Variants in HEPHL1 observed in about 807,000 individuals in gnomAD.
HEPHL1 encodes the protein ferroxidase HEPHL1.
Under a neutral mutation model 122.0 loss-of-function variants are expected in HEPHL1, and 123 were observed. The ratio of observed to expected loss-of-function variants is 1.01; its 90% confidence interval spans 0.87 to 1.17. The LOEUF (loss-of-function observed/expected upper bound fraction) is 1.17. Among genes scored for constraint, HEPHL1 ranks in the 50% most tolerant of loss-of-function variants. HEPHL1 has a pLI of 0.00. For synonymous variants in HEPHL1, 527 were observed against 508.9 expected (o/e 1.04, Z -0.48); for missense variants, 1,452 against 1,430.5 (o/e 1.01, Z -0.24).
intron 13 of HEPHL1, among the ~76,000 whole-genome samples, chr11:94,097,676 A>T (rs1946329278): frequency 6.6e-6 from 1 of 151,932 alleles, no homozygotes; most frequent in African/African-American, 2.4e-5. Flanking sequence ...GTCTCTAAGG[A>T]CTTGCTTTAT....
At chr11:94,108,503 A>T (rs1162598114) in intron 17 of HEPHL1, among the ~76,000 whole-genome samples, 3 of 152,074 alleles carry the variant, frequency 2.0e-5, no homozygotes, top group African/African-American at 7.2e-5. Context: ...GTCCCAAAAA[A>T]GGTCTCTGTT....
chr11:94,081,549 T>G (rs190548653), intron 9 of HEPHL1, among the ~76,000 whole-genome samples: 1 of 152,196 alleles, frequency 6.6e-6, no homozygotes, highest in Non-Finnish European at 1.5e-5. Flanking sequence ...TAGGCTCAAA[T>G]AGACTGATTA....
At chr11:94,062,948 C>T (rs1945998654) in intron 2 of HEPHL1, among the ~76,000 whole-genome samples, 1 of 152,176 alleles carries the variant, frequency 6.6e-6, no homozygotes, top group African/African-American at 2.4e-5. Flanking sequence ...AAATGACATT[C>T]AACACATTCA....
Position 94,021,666 on chromosome 11 carries a change from T to C in HEPHL1, c.170+128T>C, listed in dbSNP as rs80079448. On this transcript the variant is annotated intron_variant, in intron 1 of 19. Transcript: ENST00000315765. ...ATCTAGACCAAGAGAAGGTGTTTTGTTTTTTGCTTGAAGAGCCCTAGTATG... is the reference window on the plus strand; with the variant it reads ...ATCTAGACCAAGAGAAGGTGTTTTGCTTTTTGCTTGAAGAGCCCTAGTATG... 40 of 742,284 alleles carry C rather than the reference T, an allele frequency of 5.4e-5. No homozygotes were observed. In the East Asian group the frequency reaches 9.6e-4, roughly 18 times the overall value. 46.0% of individuals were successfully genotyped at this position (742,284 alleles called of 1,614,324 possible). A position where few individuals can be genotyped will look rare whatever the true frequency, so the allele number is the denominator to read the frequency against.
chr11:94,023,243 A>G (rs1945596536), intron 1 of HEPHL1, among the ~76,000 whole-genome samples: 1 of 152,206 alleles, frequency 6.6e-6, no homozygotes, highest in Admixed American at 6.5e-5. Flanking sequence ...ATCCTTCTCC[A>G]GTGAATTAAA....
intron 10 of HEPHL1, among the ~76,000 whole-genome samples, chr11:94,082,955 G>A (rs1946183839): frequency 6.6e-6 from 1 of 152,130 alleles, no homozygotes; most frequent in Admixed American, 6.5e-5. Flanking sequence ...TGGGCATGGT[G>A]GTGCGTGCCT....
chr11:94,037,504 G>A (rs548746837), intron 1 of HEPHL1, among the ~76,000 whole-genome samples: 1 of 152,278 alleles, frequency 6.6e-6, no homozygotes, highest in East Asian at 1.9e-4. Context: ...GGTTCTCCCA[G>A]CATGCAGCTG....
At chr11:94,093,184 G>A (rs1288273021) in intron 12 of HEPHL1, among the ~76,000 whole-genome samples, 1 of 151,914 alleles carries the variant, frequency 6.6e-6, no homozygotes, top group Non-Finnish European at 1.5e-5. Context: ...CCAGAAGAGA[G>A]GCGCAACCTC....
At chr11:94,056,907 A>G (rs1945942656) in intron 2 of HEPHL1, among the ~76,000 whole-genome samples, 1 of 152,080 alleles carries the variant, frequency 6.6e-6, no homozygotes, top group African/African-American at 2.4e-5. Flanking sequence ...TCCATTTATT[A>G]TGAAGTTTGA....
intron 14 of HEPHL1, among the ~76,000 whole-genome samples, chr11:94,102,243 A>T (rs1946373171): frequency 1.3e-5 from 2 of 152,330 alleles, no homozygotes; most frequent in South Asian, 2.1e-4. Context: ...ATTTAATGAC[A>T]TTATTTCATT....
intron 2 of HEPHL1, among the ~76,000 whole-genome samples, chr11:94,054,821 TAA>T (rs1051549344): frequency 1.1e-4 from 16 of 152,326 alleles, no homozygotes; most frequent in Non-Finnish European, 1.5e-4. Flanking sequence ...GGGGAGTAGA[TAA>T]AAAAGTCTTT....
At chr11:94,054,588 G>T (rs893701391) in intron 2 of HEPHL1, among the ~76,000 whole-genome samples, 3 of 152,176 alleles carry the variant, frequency 2.0e-5, no homozygotes, top group African/African-American at 7.2e-5. Context: ...GAAAATTGAG[G>T]CCTACCTTTT....
chr11:94,054,334 G>C (rs1176580542), intron 2 of HEPHL1, among the ~76,000 whole-genome samples: 2 of 152,194 alleles, frequency 1.3e-5, no homozygotes, highest in Non-Finnish European at 2.9e-5. Context: ...ACAGGACTCA[G>C]ATCTCAGTCT....
chr11:94,032,297 G>T (rs373065595), intron 1 of HEPHL1, among the ~76,000 whole-genome samples: 1 of 152,088 alleles, frequency 6.6e-6, no homozygotes, highest in East Asian at 1.9e-4. Flanking sequence ...AGCCTCCGAG[G>T]CCAAGGCCTG....
chr11:94,045,850 A>G lies in HEPHL1; in HGVS notation c.348A>G (p.Leu116=). The change falls in exon 2 of 20, where the codon TTA becomes TTG. Residue 116 remains leucine, a synonymous_variant. Transcript: ENST00000315765. The stretch of plus-strand genomic sequence containing the variant: ...TGGGTGATGTGATTGTCATTCATTT[A>G]AAGAACTTTGCTTCTCGACCTTACT... ...AEVGDVIVIH[L]KNFASRPYSL... 1.2e-6 allele frequency: 2 copies of G among 1,613,890 alleles called. No individual in the cohort carries two copies. Among genetic ancestry groups the G allele is most frequent in the Non-Finnish European group, 1.7e-6 (2 of 1,179,842 alleles).
At chr11:94,106,481 G>A (rs1946410017) in intron 17 of HEPHL1, among the ~76,000 whole-genome samples, 1 of 151,864 alleles carries the variant, frequency 6.6e-6, no homozygotes, top group Non-Finnish European at 1.5e-5. Flanking sequence ...TTTTTTAGTA[G>A]AGACGGGGTT....
rs376584379 is a variant in HEPHL1, at chr11:94,101,262, C to T, written c.2502C>T (p.Pro834=). The T allele has an allele frequency of 3.1e-6, 5 of 1,613,968 alleles. No homozygotes were observed. Among genetic ancestry groups the T allele is most frequent in the South Asian group, 1.1e-5 (1 of 91,086 alleles). ...TATTTAAGAACAAAGCCAGTAGGCC[C>T]TACTCCATCTCAGCCCAGGGTGTGG... ...LIIFKNKASR[P]YSISAQGVEE... The change falls in exon 14 of 20, where the codon CCC becomes CCT. Residue 834 remains proline, a synonymous_variant. Coordinates refer to ENST00000315765, the MANE Select transcript of HEPHL1 (RefSeq NM_001098672.2).
chr11:94,022,879 G>A lies in HEPHL1; in HGVS notation c.170+1341G>A, dbSNP rs1186152587. The stretch of plus-strand genomic sequence containing the variant: ...AACAGTCAATGTGAGCAGCTACTGG[G>A]GATAAGAATGTTGAAAGTGTGTACA... On this transcript the variant is annotated intron_variant, in intron 1 of 19. Coordinates refer to ENST00000315765, the MANE Select transcript of HEPHL1 (RefSeq NM_001098672.2). Among the ~76,000 whole-genome samples, 4 of 152,130 alleles carry A rather than the reference G, an allele frequency of 2.6e-5. 1 individual carries two copies. Among genetic ancestry groups the A allele is most frequent in the Non-Finnish European group, 5.9e-5 (4 of 68,018 alleles).
At chr11:94,067,409 G>C (rs1199864052) in intron 4 of HEPHL1, 87 bp from the exon 5 acceptor site, 1 of 1,343,312 alleles carries the variant, frequency 7.4e-7, no homozygotes, top group Non-Finnish European at 1.0e-6. Context: ...TGGTTTTCCA[G>C]CCATGCTTAA....
Sources: allele counts gnomAD v4.1 joint callset (sites outside exome capture counted in the v4.1 genomes callset), GRCh38; gene constraint gnomAD v4.1.1; transcripts MANE v1.5; gene names NCBI Gene and HGNC (gene_info 2026-07-23, HGNC 2026-07-21).